The following STIM1 variants were observed in gnomAD, a reference collection of about 807,000 sequenced individuals.
STIM1 encodes the protein stromal interaction molecule 1.
Under a neutral mutation model 74.7 loss-of-function variants are expected in STIM1, and 25 were observed. The observed-to-expected ratio is 0.33, with a 90% CI of 0.24 to 0.47. The LOEUF (loss-of-function observed/expected upper bound fraction) is 0.47, where lower values mean the gene tolerates loss of function less well. STIM1 is among the 20% of genes least tolerant of loss of function. The pLI is 1.00. For synonymous variants in STIM1, 328 were observed against 348.8 expected, an observed-to-expected ratio of 0.94 and a Z score of 0.66; for missense variants, 728 against 920.8, an observed-to-expected ratio of 0.79 and a Z score of 2.71.
intron 3 of STIM1, among the ~76,000 whole-genome samples, chr11:4,054,217 G>A (rs1407936580): frequency 6.6e-6 from 1 of 152,168 alleles, no homozygotes; most frequent in African/African-American, 2.4e-5. Flanking sequence ...AGGAGGAGAG[G>A]TCTATAGATT....
At chr11:3,862,047 G>GA (rs1301079255) in intron 1 of STIM1, among the ~76,000 whole-genome samples, 3 of 151,904 alleles carry the variant, frequency 2.0e-5, no homozygotes, top group Admixed American at 6.6e-5. Flanking sequence ...CTTTTAGGGA[G>GA]AAAAAAAGAG....
intron 1 of STIM1, among the ~76,000 whole-genome samples, chr11:3,857,013 A>G (rs79724276): frequency 0.012 from 1,756 of 151,550 alleles, 32 homozygotes; most frequent in African/African-American, 0.039. Flanking sequence ...TTTTCTTGAC[A>G]TAGACATGAT....
chr11:3,867,194 G>T (rs1430436917), intron 1 of STIM1: 2 of 152,192 alleles, frequency 1.3e-5, no homozygotes, highest in African/African-American at 4.8e-5. Flanking sequence ...GCCTGACCTA[G>T]TACTTCATCC....
intron 3 of STIM1, among the ~76,000 whole-genome samples, chr11:4,035,648 T>C (rs1449526794): frequency 6.6e-6 from 1 of 152,152 alleles, no homozygotes; most frequent in Non-Finnish European, 1.5e-5. Context: ...TTTAGACTTT[T>C]TTAGTTATTG....
At chr11:4,005,489 C>A (rs2135933543) in intron 2 of STIM1, among the ~76,000 whole-genome samples, 1 of 148,796 alleles carries the variant, frequency 6.7e-6, no homozygotes, top group African/African-American at 2.5e-5. Context: ...GACAAAAAAC[C>A]AAACACCGCA....
chr11:3,888,479 A>G (rs1245945822), intron 1 of STIM1, among the ~76,000 whole-genome samples: 1 of 152,122 alleles, frequency 6.6e-6, no homozygotes, highest in Middle Eastern at 3.2e-3. Flanking sequence ...GGTCAGTTTA[A>G]TATTATAACC....
chr11:4,066,886 C>T (rs1055281553), intron 5 of STIM1, among the ~76,000 whole-genome samples: 4 of 152,138 alleles, frequency 2.6e-5, no homozygotes, highest in African/African-American at 9.7e-5. Flanking sequence ...ATTAGTAAGG[C>T]ATAGATTAGA....
intron 2 of STIM1, among the ~76,000 whole-genome samples, chr11:4,011,830 T>A (rs2093839601): frequency 6.6e-6 from 1 of 152,320 alleles, no homozygotes; most frequent in Admixed American, 6.5e-5. Flanking sequence ...TTGCCTAGGT[T>A]TTCTTCTAGG....
At chr11:3,951,196 T>C (rs1412387374) in intron 1 of STIM1, among the ~76,000 whole-genome samples, 1 of 152,190 alleles carries the variant, frequency 6.6e-6, no homozygotes, top group East Asian at 1.9e-4. Context: ...GACACTCTGC[T>C]ACCCCAGCTG....
At chr11:3,878,488 T>C (rs183889022) in intron 1 of STIM1, among the ~76,000 whole-genome samples, 2 of 151,970 alleles carry the variant, frequency 1.3e-5, no homozygotes, top group East Asian at 3.9e-4. Context: ...TGAAAGATAA[T>C]TATTACTTCT....
chr11:3,897,115 T>G (rs2135414656), intron 1 of STIM1, among the ~76,000 whole-genome samples: 1 of 152,306 alleles, frequency 6.6e-6, no homozygotes, highest in Non-Finnish European at 1.5e-5. Flanking sequence ...GATTTCAAAA[T>G]ATTTCTTTCA....
intron 2 of STIM1, among the ~76,000 whole-genome samples, chr11:3,988,073 A>G (rs1021514010): frequency 1.3e-5 from 2 of 152,104 alleles, no homozygotes; most frequent in Non-Finnish European, 2.9e-5. Context: ...TGGGTGTTCT[A>G]TTTTGGAAAT....
intron 2 of STIM1, chr11:3,974,270 T>C: frequency 3.0e-6 from 1 of 338,822 alleles, no homozygotes; most frequent in South Asian, 9.6e-5. Flanking sequence ...TAATGATGTT[T>C]TCAGCGGCAT....
chr11:3,914,856 A>G (rs1355582253), intron 1 of STIM1, among the ~76,000 whole-genome samples: 1 of 152,168 alleles, frequency 6.6e-6, no homozygotes, highest in Non-Finnish European at 1.5e-5. Context: ...ATACCATTTT[A>G]CATTCCCATC....
chr11:3,877,053 A>T (rs2091327487), intron 1 of STIM1, among the ~76,000 whole-genome samples: 2 of 151,958 alleles, frequency 1.3e-5, no homozygotes, highest in South Asian at 2.1e-4. Flanking sequence ...AGAGTTGTTT[A>T]AAAAAAAGAT....
At chr11:3,905,732 A>C (rs2092454966) in intron 1 of STIM1, among the ~76,000 whole-genome samples, 1 of 152,228 alleles carries the variant, frequency 6.6e-6, no homozygotes, top group South Asian at 2.1e-4. Flanking sequence ...ACATTCAGCT[A>C]GTTAGTGGTG....
At chr11:4,039,601 A>C (rs1385031046) in intron 3 of STIM1, among the ~76,000 whole-genome samples, 2 of 151,194 alleles carry the variant, frequency 1.3e-5, no homozygotes, top group Non-Finnish European at 2.9e-5. Flanking sequence ...AAAAAAAAAA[A>C]AAAACGAAAG....
chr11:4,065,825 G>C (rs1476487077), intron 5 of STIM1, among the ~76,000 whole-genome samples: 1 of 152,168 alleles, frequency 6.6e-6, no homozygotes, highest in African/African-American at 2.4e-5. Context: ...AGCACAGAAG[G>C]CTGTGTAAAT....
intron 1 of STIM1, chr11:3,868,206 A>C (rs930654985): frequency 1.3e-5 from 2 of 152,190 alleles, no homozygotes. Flanking sequence ...AGCAAAGGTC[A>C]CTGGAACTCA....
Sources: gnomAD v4.1 joint callset for allele counts (sites outside exome capture counted in the v4.1 genomes callset) on GRCh38, gnomAD v4.1.1 for gene constraint, MANE v1.5 for transcripts, NCBI Gene and HGNC (gene_info 2026-07-23, HGNC 2026-07-21) for gene names.